Variants in PLS1 observed in about 807,000 individuals in gnomAD.
The protein encoded by PLS1 is plastin 1.
A neutral mutation model predicts 73.7 loss-of-function variants in PLS1; 32 were observed. That is an observed-to-expected ratio of 0.43 (90% CI 0.33 to 0.58). The LOEUF (loss-of-function observed/expected upper bound fraction) is 0.58. Among genes scored for constraint, PLS1 ranks in the 20% least tolerant of loss-of-function variants. The pLI is 0.04. For synonymous variants in PLS1, 217 were observed against 261.3 expected (o/e 0.83, Z 1.63); for missense variants, 633 against 740.5 (o/e 0.85, Z 1.68).
intron 1 of PLS1, among the ~76,000 whole-genome samples, chr3:142,640,940 A>G (rs1203786517): frequency 6.6e-6 from 1 of 151,970 alleles, no homozygotes. Flanking sequence ...GTGACAGCCC[A>G]TGCCTACAGA....
chr3:142,659,126 C>T, intron 1 of PLS1, among the ~76,000 whole-genome samples: 1 of 152,092 alleles, frequency 6.6e-6, no homozygotes, highest in African/African-American at 2.4e-5. Flanking sequence ...CCATTGAAAG[C>T]CCTCAATAAA....
chr3:142,668,870 G>A (rs891546730), intron 2 of PLS1, among the ~76,000 whole-genome samples: 6 of 151,998 alleles, frequency 3.9e-5, no homozygotes, highest in Non-Finnish European at 8.8e-5. Flanking sequence ...CCAAAGTGCT[G>A]GGATTATAAG....
intron 14 of PLS1, among the ~76,000 whole-genome samples, chr3:142,705,426 C>T (rs1039899838): frequency 1.1e-4 from 17 of 152,316 alleles, no homozygotes; most frequent in South Asian, 6.2e-4. Context: ...GTGGATGATT[C>T]ATAAAGCACT....
At chr3:142,689,459 G>T (rs140219138) in intron 9 of PLS1, among the ~76,000 whole-genome samples, 159 bp from the exon 10 acceptor site, 3 of 121,642 alleles carry the variant, frequency 2.5e-5, no homozygotes, top group African/African-American at 6.1e-5. Flanking sequence ...AATAAATAAA[G>T]GAATGGGTAA....
intron 1 of PLS1, among the ~76,000 whole-genome samples, chr3:142,605,329 A>G (rs1325474545): frequency 6.6e-6 from 1 of 152,216 alleles, no homozygotes; most frequent in Non-Finnish European, 1.5e-5. Context: ...GCCAGAAATT[A>G]AACTCATAAC....
At position 142,663,252 on chromosome 3, in the gene PLS1, A is replaced by G. The variant is rs545393617; in HGVS notation, c.-36-950A>G. Among the ~76,000 whole-genome samples, 6 of 152,290 alleles carry G rather than the reference A, an allele frequency of 3.9e-5. No homozygotes were observed. In the South Asian group the frequency reaches 1.2e-3, roughly 32 times the overall value. ...AAAAGAAAGTAGGTCAGAAGGATAA[A>G]GACAACAAAATTATATTTGTTGATA... On this transcript the variant is annotated intron_variant, in intron 1 of 15. Coordinates refer to ENST00000457734, the MANE Select transcript of PLS1 (RefSeq NM_001145319.2).
intron 12 of PLS1, 81 bp from the exon 13 acceptor site, chr3:142,703,787 C>T (rs1452330356): frequency 2.4e-6 from 2 of 836,102 alleles, no homozygotes; most frequent in Non-Finnish European, 3.8e-6. Flanking sequence ...AATTGTTTTT[C>T]AGATGGCTGA....
chr3:142,681,719 C>A (rs1472056323), intron 6 of PLS1, among the ~76,000 whole-genome samples: 1 of 152,164 alleles, frequency 6.6e-6, no homozygotes, highest in African/African-American at 2.4e-5. Context: ...TGTATAGCAA[C>A]TTCTCCATGG....
At chr3:142,682,500 T>G (rs1577886196) in intron 6 of PLS1, among the ~76,000 whole-genome samples, 2 of 152,204 alleles carry the variant, frequency 1.3e-5, no homozygotes, top group South Asian at 4.1e-4. Flanking sequence ...TTACTAGTAT[T>G]GCAATCAATT....
chr3:142,673,554 T>A (rs11716882), intron 4 of PLS1: 23,602 of 152,166 alleles, frequency 0.16, 2,113 homozygotes, highest in Non-Finnish European at 0.2. Context: ...AACTCTATGT[T>A]TATCATTTTT....
At chr3:142,607,579 AT>A (rs2036047848) in intron 1 of PLS1, among the ~76,000 whole-genome samples, 2 of 152,198 alleles carry the variant, frequency 1.3e-5, no homozygotes, top group African/African-American at 4.8e-5. Context: ...CGGCCGTATT[AT>A]TAACATCTTA....
intron 1 of PLS1, among the ~76,000 whole-genome samples, chr3:142,609,173 G>C (rs1018281276): frequency 2.0e-5 from 3 of 152,144 alleles, no homozygotes. Flanking sequence ...TTAATACAAA[G>C]TTTCTTTCTA....
intron 6 of PLS1, among the ~76,000 whole-genome samples, chr3:142,679,705 C>A (rs867113634): frequency 6.6e-6 from 1 of 151,682 alleles, no homozygotes; most frequent in South Asian, 2.1e-4. Context: ...AGTCAGGTAG[C>A]GTGATGCCTC....
intron 1 of PLS1, among the ~76,000 whole-genome samples, chr3:142,634,047 T>C (rs1209280939): frequency 6.6e-6 from 1 of 152,058 alleles, no homozygotes; most frequent in Non-Finnish European, 1.5e-5. Context: ...GAAAATACAA[T>C]GGACAGGATT....
chr3:142,698,786 A>T (rs1009164723), intron 12 of PLS1, among the ~76,000 whole-genome samples: 3 of 152,244 alleles, frequency 2.0e-5, no homozygotes, highest in Non-Finnish European at 4.4e-5. Context: ...AATACATATT[A>T]ATCTTCCAAA....
chr3:142,670,303 C>CTGG (rs2107842444), intron 3 of PLS1, among the ~76,000 whole-genome samples: 1 of 152,200 alleles, frequency 6.6e-6, no homozygotes, highest in South Asian at 2.1e-4. Context: ...TCTCAAGCAA[C>CTGG]TGAAAGAAGG....
intron 1 of PLS1, among the ~76,000 whole-genome samples, chr3:142,649,315 A>G (rs1010262715): frequency 2.1e-5 from 3 of 140,198 alleles, no homozygotes; most frequent in Non-Finnish European, 4.6e-5. Flanking sequence ...CAGTTTGGGT[A>G]ACAGAGTGAG....
chr3:142,689,108 A>T (rs918857308), intron 9 of PLS1, among the ~76,000 whole-genome samples: 2 of 152,162 alleles, frequency 1.3e-5, no homozygotes, highest in Non-Finnish European at 2.9e-5. Flanking sequence ...TATCCCAGCA[A>T]GGAAATTCAG....
intron 1 of PLS1, among the ~76,000 whole-genome samples, chr3:142,642,537 C>T (rs2036863449): frequency 6.6e-6 from 1 of 152,160 alleles, no homozygotes; most frequent in Admixed American, 6.5e-5. Context: ...AATTGTGCTA[C>T]AAAGTTTGTT....
Sources: gnomAD v4.1 joint callset for allele counts (sites outside exome capture counted in the v4.1 genomes callset) on GRCh38, gnomAD v4.1.1 for gene constraint, MANE v1.5 for transcripts, NCBI Gene and HGNC (gene_info 2026-07-23, HGNC 2026-07-21) for gene names.